Variants in ANKRD17 observed in about 807,000 individuals in gnomAD.
The protein encoded by ANKRD17 is ankyrin repeat domain 17, also known as ankyrin repeat domain-containing protein 17.
Under a neutral mutation model 229.7 loss-of-function variants are expected in ANKRD17, and 19 were observed. The observed-to-expected ratio is 0.08, with a 90% confidence interval of 0.06 to 0.12. The LOEUF (loss-of-function observed/expected upper bound fraction) is 0.12, where lower values mean the gene tolerates loss of function less well. ANKRD17 is among the 10% of genes least tolerant of loss of function. The probability of loss-of-function intolerance (pLI) is 1.00; values close to 1 mark genes in which losing one functional copy is unlikely to be tolerated. For missense variants in ANKRD17, 2,176 were observed against 3,176.8 expected, an observed-to-expected ratio of 0.68 and a Z score of 7.57; for synonymous variants, 1,112 against 1,146.1, an observed-to-expected ratio of 0.97 and a Z score of 0.60.
intron 1 of ANKRD17, among the ~76,000 whole-genome samples, chr4:73,180,782 T>A (rs190566524): frequency 1.3e-5 from 2 of 152,308 alleles, no homozygotes; most frequent in Admixed American, 1.3e-4. Context: ...AAGGCCTAAG[T>A]ACCAGAATTG....
Position 73,258,629 on chromosome 4 carries a change from C to T in ANKRD17, c.40G>A (p.Ala14Thr), listed in dbSNP as rs1368280715. 4.7e-6 allele frequency: 7 copies of T among 1,487,844 alleles called. No homozygotes were observed. Among genetic ancestry groups the T allele is most frequent in the Non-Finnish European group, 5.3e-6 (6 of 1,128,138 alleles). 92.2% of individuals were successfully genotyped at this position (1,487,844 alleles called of 1,614,324 possible). ...GCCGGGGGGCTCCCTTCTCCTTCTG[C>T]AGCCGTCGCCGCCGCCACCGGAACC... ...ATVPVAAATA[A>T]EGEGSPPAVA... is the part of the protein sequence containing the mutation. Residue 14 changes from alanine to threonine, a missense_variant, in exon 1 of 34, where the codon GCA (alanine) becomes ACA (threonine). Ala to Thr is a moderately conservative substitution (Grantham distance 58). Coordinates refer to ENST00000358602, the MANE Select transcript of ANKRD17 (RefSeq NM_032217.5).
At chr4:73,118,574 T>C (rs1726287184) in intron 22 of ANKRD17, 114 bp downstream of exon 22, 1 of 1,152,714 alleles carries the variant, frequency 8.7e-7, no homozygotes, top group Non-Finnish European at 1.2e-6. Flanking sequence ...TTGCATATTA[T>C]TGCTTTCATC....
chr4:73,086,950 A>ATATATATATATATATC (rs1395320739), intron 29 of ANKRD17, among the ~76,000 whole-genome samples: 1 of 94,184 alleles, frequency 1.1e-5, no homozygotes, highest in South Asian at 3.9e-4. Flanking sequence ...ATATATATAT[A>ATATATATATATATATC]TATCTGTAGG....
chr4:73,112,339 T>C (rs1357892457), intron 24 of ANKRD17, among the ~76,000 whole-genome samples: 2 of 152,214 alleles, frequency 1.3e-5, no homozygotes, highest in Non-Finnish European at 2.9e-5. Context: ...ATATATATTC[T>C]ATCACACAAA....
At chr4:73,251,726 A>AT (rs1225379742) in intron 1 of ANKRD17, among the ~76,000 whole-genome samples, 2 of 152,274 alleles carry the variant, frequency 1.3e-5, no homozygotes, top group Admixed American at 1.3e-4. Flanking sequence ...TTAAATCCAC[A>AT]TTTTTTAACC....
At chr4:73,144,134 C>T (rs944629207) in intron 11 of ANKRD17, among the ~76,000 whole-genome samples, 1 of 152,128 alleles carries the variant, frequency 6.6e-6, no homozygotes, top group African/African-American at 2.4e-5. Flanking sequence ...ACTGTCTCAA[C>T]TAGAACTTTC....
At chr4:73,214,303 T>C (rs1466701740) in intron 1 of ANKRD17, among the ~76,000 whole-genome samples, 2 of 152,180 alleles carry the variant, frequency 1.3e-5, no homozygotes, top group Non-Finnish European at 2.9e-5. Flanking sequence ...AGAATACATT[T>C]GAATCAAGCA....
chr4:73,205,406 T>TG (rs753861753), intron 1 of ANKRD17, among the ~76,000 whole-genome samples: 112 of 151,790 alleles, frequency 7.4e-4, no homozygotes, highest in Non-Finnish European at 1.5e-3. Context: ...CACAGACCAA[T>TG]GGAACAGAAT....
intron 1 of ANKRD17, among the ~76,000 whole-genome samples, chr4:73,244,559 AG>A (rs1042624195): frequency 2.0e-5 from 3 of 152,214 alleles, no homozygotes; most frequent in Non-Finnish European, 4.4e-5. Context: ...GCACTGATTA[AG>A]GGATGGTGTA....
At chr4:73,096,158 G>A (rs1723275763) in intron 27 of ANKRD17, among the ~76,000 whole-genome samples, 1 of 152,156 alleles carries the variant, frequency 6.6e-6, no homozygotes, top group Non-Finnish European at 1.5e-5. Context: ...CATGATCCCT[G>A]TTCTCTATAT....
chr4:73,097,400 C>G (rs1236569474), intron 26 of ANKRD17, 128 bp from the exon 27 acceptor site: 4 of 754,288 alleles, frequency 5.3e-6, no homozygotes, highest in African/African-American at 1.9e-5. Flanking sequence ...TTATTTTTCA[C>G]TTCTCCTCAT....
intron 1 of ANKRD17, among the ~76,000 whole-genome samples, chr4:73,186,624 T>A (rs1736330059): frequency 6.6e-6 from 1 of 152,164 alleles, no homozygotes; most frequent in South Asian, 2.1e-4. Context: ...CGTGACTTCT[T>A]ATGCTTCAAA....
rs578218939 is a variant in ANKRD17, at chr4:73,094,318, C to T, written c.5178-90G>A. ...AGAGGAAAGAGTATTACTAAAATGT[C>T]TTTCTATAAATACAGAATATTGTTG... On this transcript the variant is annotated intron_variant, in intron 27 of 33. Transcript: ENST00000358602. 5.0e-6 allele frequency: 6 copies of T among 1,202,322 alleles called. No individual in the cohort carries two copies. In the South Asian group the frequency reaches 7.3e-5, roughly 15 times the overall value. 74.5% of individuals were successfully genotyped at this position (1,202,322 alleles called of 1,614,324 possible).
intron 1 of ANKRD17, among the ~76,000 whole-genome samples, chr4:73,240,639 T>C (rs1293956846): frequency 3.3e-5 from 5 of 151,672 alleles, no homozygotes; most frequent in African/African-American, 4.8e-5. Context: ...AAAATTAGAA[T>C]TTAAAAAAAC....
chr4:73,076,519 C>T (rs1403441947), intron 33 of ANKRD17, among the ~76,000 whole-genome samples: 1 of 151,938 alleles, frequency 6.6e-6, no homozygotes, highest in Non-Finnish European at 1.5e-5. Flanking sequence ...TTTATAGATT[C>T]ACGGTTGTGG....
At chr4:73,139,490 C>A in intron 15 of ANKRD17, 41 bp downstream of exon 15, 1 of 1,553,826 alleles carries the variant, frequency 6.4e-7, no homozygotes, top group African/African-American at 1.4e-5. Context: ...TCGCCTTAAG[C>A]AAATCATATT....
In ANKRD17 at chr4:73,139,598, T is replaced by G. The variant is rs1036804520; in HGVS notation, c.3018A>C (p.Thr1006=). 103 of 1,614,194 alleles carry G rather than the reference T, an allele frequency of 6.4e-5. No homozygotes were observed. In the East Asian group the frequency reaches 2.3e-3, roughly 36 times the overall value. ...GGCTGGCTACCATTAACCCTTGTTGTGTTTCTGTCAGAATTCCTTGCCCCA... is the reference window on the plus strand; with the variant it reads ...GGCTGGCTACCATTAACCCTTGTTGGGTTTCTGTCAGAATTCCTTGCCCCA... ...AGLGQGILTE[T]QQGLMVASPA... is the part of the protein sequence containing the mutation. Residue 1006 remains threonine, a synonymous_variant, in exon 15 of 34, where the codon ACA becomes ACC. Coordinates refer to ENST00000358602, the MANE Select transcript of ANKRD17 (RefSeq NM_032217.5).
chr4:73,246,809 A>G (rs981221558), intron 1 of ANKRD17, among the ~76,000 whole-genome samples: 2 of 152,176 alleles, frequency 1.3e-5, no homozygotes, highest in African/African-American at 2.4e-5. Flanking sequence ...AGCAAGAATC[A>G]GTCAACTGCT....
At chr4:73,146,616 A>C in intron 10 of ANKRD17, 148 bp downstream of exon 10, 1 of 584,248 alleles carries the variant, frequency 1.7e-6, no homozygotes, top group Non-Finnish European at 2.8e-6. Context: ...AAAAAATGTG[A>C]CTAAGTGAGA....
Sources: allele counts gnomAD v4.1 joint callset (sites outside exome capture counted in the v4.1 genomes callset), GRCh38; gene constraint gnomAD v4.1.1; transcripts MANE v1.5; gene names NCBI Gene and HGNC (gene_info 2026-07-23, HGNC 2026-07-21).